Variants in GPD2 observed in about 807,000 individuals in gnomAD.
GPD2 encodes glycerol-3-phosphate dehydrogenase, mitochondrial.
In GPD2, 54 loss-of-function variants were observed where a neutral mutation model predicts 82.4. That is an observed-to-expected ratio of 0.66 (90% CI 0.53 to 0.82). GPD2 has a LOEUF of 0.82. Among genes scored for constraint, GPD2 ranks in the 40% least tolerant of loss-of-function variants. The pLI is 0.00. For synonymous variants in GPD2, 288 were observed against 306.1 expected (o/e 0.94, Z 0.62); for missense variants, 748 against 896.2 (o/e 0.83, Z 2.11).
rs150026956 is a variant in GPD2 at position 156,524,751 on chromosome 2, A to G, written c.661+11255A>G. Among the ~76,000 whole-genome samples, 8 of 152,330 alleles carry G rather than the reference A, an allele frequency of 5.3e-5. No individual in the cohort carries two copies. In the East Asian group the frequency reaches 1.5e-3, roughly 29 times the overall value. ...GGATTACAAAAGTAAGAAAAGCAGA[A>G]GGCGTAGTTTACTGAGGAGAGGTGG... On this transcript the variant is annotated intron_variant, in intron 6 of 16. Coordinates refer to ENST00000438166, the MANE Select transcript of GPD2 (RefSeq NM_000408.5).
chr2:156,555,146 A>C (rs1324406934), intron 8 of GPD2, among the ~76,000 whole-genome samples: 4 of 152,210 alleles, frequency 2.6e-5, no homozygotes, highest in Non-Finnish European at 4.4e-5. Flanking sequence ...AGAACTGATG[A>C]AAGATATTTC....
chr2:156,570,278 T>C, intron 12 of GPD2, 60 bp downstream of exon 12: 1 of 1,491,904 alleles, frequency 6.7e-7, no homozygotes, highest in South Asian at 1.1e-5. Flanking sequence ...TATCTGTTCA[T>C]TTGTCATCTT....
chr2:156,478,375 AT>A (rs1487496761), intron 2 of GPD2, among the ~76,000 whole-genome samples: 1 of 152,214 alleles, frequency 6.6e-6, no homozygotes, highest in East Asian at 1.9e-4. Context: ...GGCATATGCA[AT>A]CAATGAGTTG....
intron 1 of GPD2, among the ~76,000 whole-genome samples, chr2:156,454,473 T>C (rs1682719777): frequency 6.9e-6 from 1 of 145,652 alleles, no homozygotes; most frequent in South Asian, 2.4e-4. Flanking sequence ...CAGGGCAACA[T>C]AGTGAGACCC....
intron 1 of GPD2, among the ~76,000 whole-genome samples, chr2:156,472,778 T>C (rs1683377470): frequency 6.6e-6 from 1 of 152,120 alleles, no homozygotes; most frequent in South Asian, 2.1e-4. Flanking sequence ...CAACAAAATA[T>C]GGTATAGCTT....
At chr2:156,409,093 A>G in the GPD2 span, among the ~76,000 whole-genome samples, 14 of 152,216 alleles carry the variant, frequency 9.2e-5, no homozygotes, top group African/African-American at 3.4e-4. Context: ...GAAGCCGGAA[A>G]GAGATATGCA....
At chr2:156,423,830 G>C in the GPD2 span, among the ~76,000 whole-genome samples, 2,017 of 152,176 alleles carry the variant, frequency 0.013, 54 homozygotes, top group African/African-American at 0.046. Flanking sequence ...AGGCAGAGCC[G>C]ATCTCCACTG....
chr2:156,414,742 T>C, the GPD2 span, among the ~76,000 whole-genome samples: 3 of 152,204 alleles, frequency 2.0e-5, no homozygotes, highest in African/African-American at 7.2e-5. Context: ...CTAGCATTAC[T>C]TTAACAAAAA....
intron 6 of GPD2, among the ~76,000 whole-genome samples, chr2:156,548,042 T>A (rs1254482619): frequency 1.3e-5 from 2 of 152,188 alleles, no homozygotes; most frequent in Non-Finnish European, 2.9e-5. Flanking sequence ...TGGGGCAGGG[T>A]GTTTCCTTGT....
intron 1 of GPD2, among the ~76,000 whole-genome samples, chr2:156,440,497 T>G (rs1573869138): frequency 2.0e-5 from 3 of 152,332 alleles, no homozygotes; most frequent in Admixed American, 2.0e-4. Context: ...TGTTTGTTTG[T>G]TTGTTTGTTT....
At chr2:156,579,881 A>G (rs1687967393) in intron 16 of GPD2, 93 bp downstream of exon 16, 1 of 738,094 alleles carries the variant, frequency 1.4e-6, no homozygotes, top group Non-Finnish European at 2.5e-6. Flanking sequence ...ATTTAAGTCC[A>G]CACAATTGTC....
the GPD2 span, among the ~76,000 whole-genome samples, chr2:156,400,667 A>G: frequency 1.3e-5 from 2 of 152,138 alleles, no homozygotes; most frequent in South Asian, 2.1e-4. Context: ...TTTCAGAAGC[A>G]CTCGCCAATA....
intron 6 of GPD2, among the ~76,000 whole-genome samples, chr2:156,541,835 T>G (rs1686332643): frequency 6.9e-6 from 1 of 145,338 alleles, no homozygotes; most frequent in African/African-American, 2.6e-5. Flanking sequence ...TTTTTTTTTT[T>G]TTTTTTTTTT....
chr2:156,475,534 G>A (rs537567390), intron 1 of GPD2, among the ~76,000 whole-genome samples: 5 of 152,180 alleles, frequency 3.3e-5, no homozygotes, highest in East Asian at 3.9e-4. Flanking sequence ...ACGCCCAGCC[G>A]ACTCTTTCAA....
intron 6 of GPD2, 116 bp downstream of exon 6, chr2:156,513,612 C>G: frequency 1.2e-6 from 1 of 805,810 alleles, no homozygotes; most frequent in Non-Finnish European, 2.1e-6. Flanking sequence ...TTACACAACA[C>G]ACAAACACAC....
chr2:156,484,134 C>G (rs1683842470), intron 2 of GPD2, among the ~76,000 whole-genome samples: 2 of 151,938 alleles, frequency 1.3e-5, no homozygotes, highest in South Asian at 4.2e-4. Context: ...TTTCCACTCC[C>G]CTCCCCGACT....
chr2:156,569,108 C>A lies in GPD2; in HGVS notation c.1300+149C>A. Reference sequence around the variant, plus strand: ...CCTCCCAAAGTGTTGGGATTACAGGCATGAGCCACTACACCTGGCCTTCTG... The same window carrying A: ...CCTCCCAAAGTGTTGGGATTACAGGAATGAGCCACTACACCTGGCCTTCTG... On this transcript the variant is annotated intron_variant, in intron 10 of 16. Coordinates refer to ENST00000438166, the MANE Select transcript of GPD2 (RefSeq NM_000408.5). 9.7e-6 allele frequency: 7 copies of A among 725,094 alleles called. 1 individual carries two copies. Among genetic ancestry groups the A allele is most frequent in the Non-Finnish European group, 1.6e-5 (7 of 424,806 alleles). 44.9% of individuals were successfully genotyped at this position (725,094 alleles called of 1,614,324 possible).
chr2:156,439,677 T>A (rs1032624748), intron 1 of GPD2, among the ~76,000 whole-genome samples: 1 of 151,312 alleles, frequency 6.6e-6, no homozygotes, highest in African/African-American at 2.4e-5. Context: ...CAAAACCCTG[T>A]CTCTACTAAA....
intron 6 of GPD2, among the ~76,000 whole-genome samples, chr2:156,529,760 G>A (rs1350657752): frequency 8.0e-5 from 12 of 150,178 alleles, no homozygotes; most frequent in Non-Finnish European, 1.6e-4. Context: ...GATATGTGGC[G>A]TTATTTCTGA....
Sources: allele counts gnomAD v4.1 joint callset (sites outside exome capture counted in the v4.1 genomes callset), GRCh38; gene constraint gnomAD v4.1.1; transcripts MANE v1.5; gene names NCBI Gene and HGNC (gene_info 2026-07-23, HGNC 2026-07-21).